Variants in PTPRN2 observed in about 807,000 individuals in gnomAD.
The protein encoded by PTPRN2 is receptor-type tyrosine-protein phosphatase N2.
Under a neutral mutation model 118.8 loss-of-function variants are expected in PTPRN2, and 74 were observed. The observed-to-expected ratio is 0.62, with a 90% CI of 0.52 to 0.76. The LOEUF (loss-of-function observed/expected upper bound fraction) is 0.76, where lower values mean the gene tolerates loss of function less well. Ranked by LOEUF, PTPRN2 falls within the 30% of genes least tolerant of loss-of-function variation. The pLI is 0.00. For missense variants in PTPRN2, 1,481 were observed against 1,394.4 expected, an observed-to-expected ratio of 1.06 and a Z score of -0.99; for synonymous variants, 641 against 608.0, an observed-to-expected ratio of 1.05 and a Z score of -0.80.
chr7:157,956,085 G>T (rs898872271), intron 11 of PTPRN2, among the ~76,000 whole-genome samples: 1 of 152,164 alleles, frequency 6.6e-6, no homozygotes, highest in African/African-American at 2.4e-5. Context: ...GTTTGGATGA[G>T]ATTTTATTCT....
At chr7:157,651,977 G>A (rs996866770) in intron 14 of PTPRN2, among the ~76,000 whole-genome samples, 2 of 152,228 alleles carry the variant, frequency 1.3e-5, no homozygotes, top group African/African-American at 2.4e-5. Context: ...CAAGGCAGGG[G>A]CACGGACTGC....
intron 22 of PTPRN2, among the ~76,000 whole-genome samples, chr7:157,545,966 T>C (rs1243885602): frequency 2.0e-5 from 3 of 152,186 alleles, no homozygotes; most frequent in African/African-American, 4.8e-5. Context: ...ACTGAACTTG[T>C]AGGGGAAGTT....
At chr7:158,241,786 C>T (rs1795918727) in intron 3 of PTPRN2, among the ~76,000 whole-genome samples, 1 of 152,134 alleles carries the variant, frequency 6.6e-6, no homozygotes, top group Non-Finnish European at 1.5e-5. Flanking sequence ...TGAGGTCCTC[C>T]CCAAATGATC....
intron 3 of PTPRN2, among the ~76,000 whole-genome samples, chr7:158,316,177 G>A (rs912390954): frequency 6.6e-5 from 10 of 152,158 alleles, no homozygotes; most frequent in Admixed American, 2.0e-4. Context: ...TGGACTAGAC[G>A]CTTACTCCAG....
chr7:157,695,518 T>A (rs1288926062), intron 12 of PTPRN2, among the ~76,000 whole-genome samples: 5 of 152,232 alleles, frequency 3.3e-5, no homozygotes, highest in African/African-American at 1.2e-4. Flanking sequence ...GTATAAGGCA[T>A]TTCTTCATGC....
chr7:157,568,793 C>A (rs1022018916), intron 21 of PTPRN2, 109 bp downstream of exon 21: 1 of 1,155,014 alleles, frequency 8.7e-7, no homozygotes. Context: ...AGAGGCACAA[C>A]AAGCAGCGAA....
intron 10 of PTPRN2, among the ~76,000 whole-genome samples, chr7:158,087,687 A>AC (rs1813561596): frequency 2.1e-5 from 3 of 144,218 alleles, no homozygotes; most frequent in African/African-American, 8.4e-5. Flanking sequence ...CTTCACACAA[A>AC]CCTTCTTCCC....
chr7:158,320,146 CTTG>C (rs1802872950), intron 2 of PTPRN2, among the ~76,000 whole-genome samples: 5 of 91,004 alleles, frequency 5.5e-5, no homozygotes, highest in African/African-American at 1.1e-4. Context: ...CACAGCCTCC[CTTG>C]TACACACACA....
intron 12 of PTPRN2, among the ~76,000 whole-genome samples, chr7:157,751,805 T>C (rs1352878599): frequency 4.9e-5 from 7 of 143,500 alleles, no homozygotes; most frequent in Non-Finnish European, 1.1e-4. Flanking sequence ...TCCTACGGGA[T>C]GAGGAAACAC....
Position 158,379,141 on chromosome 7 carries a change from G to T in PTPRN2, c.164-62209C>A, listed in dbSNP as rs1179811279. On this transcript the variant is annotated intron_variant, in intron 2 of 22. Transcript: ENST00000389418. The stretch of plus-strand genomic sequence containing the variant: ...AGGGGTGGGAGAGCCCCCAGAGTGG[G>T]GAAGGCTCATAGGCTGCCCCCTAGA... 2.0e-5 allele frequency among the ~76,000 whole-genome samples: 3 copies of T among 152,148 alleles called. No individual in the cohort carries two copies. The East Asian group carries it at 5.8e-4, about 29-fold the overall frequency.
chr7:158,159,304 A>C (rs72505554), intron 6 of PTPRN2, among the ~76,000 whole-genome samples: 14,963 of 152,304 alleles, frequency 0.098, 782 homozygotes, highest in African/African-American at 0.12. Context: ...CAGCTTCCAC[A>C]TGAGTTTCCG....
At chr7:158,139,931 T>C (rs1819214344) in intron 6 of PTPRN2, among the ~76,000 whole-genome samples, 1 of 150,662 alleles carries the variant, frequency 6.6e-6, no homozygotes, top group Non-Finnish European at 1.5e-5. Flanking sequence ...GACATTTTCA[T>C]ATCACGTATG....
chr7:158,208,097 AGAG>A (rs1173527913), intron 3 of PTPRN2, among the ~76,000 whole-genome samples: 2 of 152,236 alleles, frequency 1.3e-5, no homozygotes, highest in African/African-American at 4.8e-5. Flanking sequence ...ATATGCCGTC[AGAG>A]GAGACCAAAG....
At chr7:158,097,292 G>A (rs1563429865) in intron 10 of PTPRN2, among the ~76,000 whole-genome samples, 2 of 152,242 alleles carry the variant, frequency 1.3e-5, no homozygotes, top group East Asian at 3.9e-4. Context: ...GGATCGAGCA[G>A]GCACAGGCAC....
At position 157,590,452 on chromosome 7, in the gene PTPRN2, T is replaced by G. The variant is rs1236773862; in HGVS notation, c.2496+4786A>C. Among the ~76,000 whole-genome samples, 1 of 152,236 alleles carries G rather than the reference T, an allele frequency of 6.6e-6. No homozygotes were observed. Among genetic ancestry groups the G allele is most frequent in the Non-Finnish European group, 1.5e-5 (1 of 68,036 alleles). The stretch of plus-strand genomic sequence containing the variant: ...GGTACATCTTCCTTTAGGTAATGAA[T>G]TTATTTTTAGGAATTTCTTGATGTA... On this transcript the variant is annotated intron_variant, in intron 17 of 22. Coordinates refer to ENST00000389418, the MANE Select transcript of PTPRN2 (RefSeq NM_002847.5). The surrounding 1 kb of genome is among the most constrained non-coding windows in gnomAD (Gnocchi z 4.0).
chr7:158,331,419 C>T lies in PTPRN2; in HGVS notation c.164-14487G>A, dbSNP rs576101255. 2.9e-3 allele frequency among the ~76,000 whole-genome samples: 425 copies of T among 146,660 alleles called. 5 individuals are homozygous for T. Among genetic ancestry groups the T allele is most frequent in the African/African-American group, 0.011 (397 of 37,526 alleles). On this transcript the variant is annotated intron_variant, in intron 2 of 22. Coordinates refer to ENST00000389418, the MANE Select transcript of PTPRN2 (RefSeq NM_002847.5). ...CTCTCACCATAAGAGCTGAGGCCCA[C>T]AGAGGTCACTCACACCCATACTCTC...
At chr7:157,817,174 C>T (rs1490788532) in intron 12 of PTPRN2, among the ~76,000 whole-genome samples, 1 of 152,242 alleles carries the variant, frequency 6.6e-6, no homozygotes, top group Non-Finnish European at 1.5e-5. Context: ...CTGATTTAAA[C>T]CCAAATCCTT....
chr7:158,151,134 C>T (rs1821036799), intron 6 of PTPRN2, among the ~76,000 whole-genome samples: 3 of 105,082 alleles, frequency 2.9e-5, no homozygotes, highest in Non-Finnish European at 6.1e-5. Flanking sequence ...ACACCGCCCG[C>T]CTTTCTATTC....
At chr7:157,577,091 T>G (rs1436486548) in intron 18 of PTPRN2, among the ~76,000 whole-genome samples, 2 of 152,150 alleles carry the variant, frequency 1.3e-5, no homozygotes, top group Non-Finnish European at 2.9e-5. Flanking sequence ...CCATGTTACA[T>G]AAACCCTCAA....
Sources: allele counts gnomAD v4.1 joint callset (sites outside exome capture counted in the v4.1 genomes callset), GRCh38; gene constraint gnomAD v4.1.1; non-coding constraint Gnocchi (gnomAD v3.1); transcripts MANE v1.5; gene names NCBI Gene and HGNC (gene_info 2026-07-23, HGNC 2026-07-21).